The following CDC14B variants were observed in gnomAD, a reference collection of about 807,000 sequenced individuals.
CDC14B encodes the protein cell division cycle 14B.
In CDC14B, 22 loss-of-function variants were observed where a neutral mutation model predicts 64.2. The ratio of observed to expected loss-of-function variants is 0.34; its 90% CI spans 0.24 to 0.49. The LOEUF (loss-of-function observed/expected upper bound fraction) is 0.49, where lower values mean the gene tolerates loss of function less well. Among genes scored for constraint, CDC14B ranks in the 20% least tolerant of loss-of-function variants. The probability of loss-of-function intolerance (pLI) is 0.99; values close to 1 mark genes in which losing one functional copy is unlikely to be tolerated. For missense variants in CDC14B, 498 were observed against 629.9 expected (o/e 0.79, Z 2.24); for synonymous variants, 191 against 215.8 (o/e 0.89, Z 1.01).
intron 1 of CDC14B, among the ~76,000 whole-genome samples, chr9:96,600,271 AT>A (rs899508934): frequency 2.5e-4 from 38 of 151,096 alleles, no homozygotes; most frequent in South Asian, 6.2e-4. Flanking sequence ...ATGCAAATAC[AT>A]TTTTTAAAAA....
At chr9:96,521,758 A>G (rs1361973902) in intron 12 of CDC14B, among the ~76,000 whole-genome samples, 1 of 152,248 alleles carries the variant, frequency 6.6e-6, no homozygotes, top group African/African-American at 2.4e-5. Context: ...CGCAAAAAAG[A>G]AGGCTGGAAA....
At chr9:96,528,341 G>A (rs1264751429) in intron 9 of CDC14B, among the ~76,000 whole-genome samples, 2 of 152,036 alleles carry the variant, frequency 1.3e-5, no homozygotes, top group Non-Finnish European at 2.9e-5. Flanking sequence ...GGCCAACATG[G>A]TGAAACCCTG....
intron 1 of CDC14B, chr9:96,566,896 G>A: frequency 6.5e-7 from 1 of 1,550,234 alleles, no homozygotes; most frequent in Non-Finnish European, 8.7e-7. Flanking sequence ...CCACACCCCC[G>A]AAGTTTAAAA....
chr9:96,619,080 CCGGGG>C, intron 1 of CDC14B, 134 bp downstream of exon 1: 1 of 567,262 alleles, frequency 1.8e-6, no homozygotes, highest in Non-Finnish European at 2.5e-6. Context: ...GGTGTGGCGG[CCGGGG>C]CGTTTAAGGG....
chr9:96,606,421 G>A (rs1015287181), intron 1 of CDC14B, among the ~76,000 whole-genome samples: 1 of 150,640 alleles, frequency 6.6e-6, no homozygotes, highest in Non-Finnish European at 1.5e-5. Context: ...CAGTGCTCAT[G>A]CTTGTAATCC....
At chr9:96,599,392 AAGG>A (rs1247280115) in intron 1 of CDC14B, among the ~76,000 whole-genome samples, 2 of 152,210 alleles carry the variant, frequency 1.3e-5, no homozygotes, top group African/African-American at 2.4e-5. Context: ...AAAAAAAAAA[AAGG>A]AGAAGAAGTA....
intron 9 of CDC14B, among the ~76,000 whole-genome samples, chr9:96,523,963 T>TC (rs2131561796): frequency 6.6e-6 from 1 of 152,386 alleles, no homozygotes; most frequent in African/African-American, 2.4e-5. Context: ...AGACGGAGTC[T>TC]CACTCTGTTG....
At chr9:96,548,692 T>C (rs949603338) in intron 5 of CDC14B, among the ~76,000 whole-genome samples, 1 of 151,538 alleles carries the variant, frequency 6.6e-6, no homozygotes, top group African/African-American at 2.4e-5. Context: ...TGGCATCTGC[T>C]CTAGAGGCTG....
intron 7 of CDC14B, among the ~76,000 whole-genome samples, chr9:96,537,755 C>T (rs576820672): frequency 1.3e-5 from 2 of 152,210 alleles, no homozygotes; most frequent in African/African-American, 4.8e-5. Flanking sequence ...CAGAATCTTG[C>T]TCTGTCACCC....
At chr9:96,579,733 T>C (rs1317010915) in intron 1 of CDC14B, among the ~76,000 whole-genome samples, 3 of 152,190 alleles carry the variant, frequency 2.0e-5, no homozygotes, top group Non-Finnish European at 4.4e-5. Context: ...TCCTTGTTCT[T>C]GGCCTTCCTA....
intron 1 of CDC14B, among the ~76,000 whole-genome samples, chr9:96,597,536 T>C (rs1330237822): frequency 6.6e-6 from 1 of 150,390 alleles, no homozygotes; most frequent in Non-Finnish European, 1.5e-5. Flanking sequence ...GAAACATCTT[T>C]AAAGTATTCA....
Position 96,590,209 on chromosome 9 carries a change from T to G in CDC14B, c.161-24726A>C, listed in dbSNP as rs937808062. On this transcript the variant is annotated intron_variant, in intron 1 of 13. Coordinates refer to ENST00000375241, the MANE Select transcript of CDC14B (RefSeq NM_033331.4). ...TTCTGTCTCTAGGAGTCTGACTACT[T>G]TAGATACCCTATATACATGGAATCA... Among the ~76,000 whole-genome samples, 12 of 152,184 alleles carry G rather than the reference T, an allele frequency of 7.9e-5. 1 individual carries two copies. The highest frequency in any genetic ancestry group is 6.5e-4 in the Admixed American group (10 of 15,272).
chr9:96,551,923 A>G (rs1239674391), intron 4 of CDC14B, 51 bp from the exon 5 acceptor site: 1 of 1,568,382 alleles, frequency 6.4e-7, no homozygotes, highest in East Asian at 2.3e-5. Context: ...GTGAAGATAC[A>G]GTGCTGTCAC....
At chr9:96,572,820 C>G (rs751710452) in intron 1 of CDC14B, among the ~76,000 whole-genome samples, 2 of 152,178 alleles carry the variant, frequency 1.3e-5, no homozygotes, top group Non-Finnish European at 1.5e-5. Context: ...CAGCCAATAT[C>G]ACACTTTATG....
chr9:96,561,024 A>G (rs1281857052), intron 4 of CDC14B, among the ~76,000 whole-genome samples: 1 of 150,584 alleles, frequency 6.6e-6, no homozygotes, highest in African/African-American at 2.4e-5. Flanking sequence ...GCAATTTCCA[A>G]CTCCTGGATT....
In CDC14B at chr9:96,502,857, T is replaced by A. The variant is rs1058001; in HGVS notation, c.*896A>T. ...GAAGGACTCTAAAAAAGTGGTAACT[T>A]TTTTTTTTTGTAAGCCGACATTATT... On this transcript the variant is annotated 3_prime_UTR_variant, in exon 14 of 14. Coordinates refer to ENST00000375241, the MANE Select transcript of CDC14B (RefSeq NM_033331.4). The A allele has an allele frequency of 0.17, 67,535 of 394,016 alleles. 6,121 individuals carry two copies. The highest frequency in any genetic ancestry group is 0.23 in the African/African-American group (10,963 of 48,300). The allele number at this position is 394,016 out of a possible 1,614,324, so 24.4% of individuals were successfully genotyped here.
chr9:96,538,410 A>T (rs1839583654), intron 7 of CDC14B, among the ~76,000 whole-genome samples: 1 of 152,144 alleles, frequency 6.6e-6, no homozygotes, highest in Admixed American at 6.6e-5. Context: ...CTGTAAGTGA[A>T]ATGGGTGATT....
intron 12 of CDC14B, among the ~76,000 whole-genome samples, chr9:96,522,285 T>A (rs1304212987): frequency 1.3e-5 from 2 of 152,174 alleles, no homozygotes; most frequent in East Asian, 3.9e-4. Flanking sequence ...ATCCCTGATG[T>A]CGCCTTCCCA....
At chr9:96,610,762 C>T (rs1210377319) in intron 1 of CDC14B, among the ~76,000 whole-genome samples, 1 of 151,888 alleles carries the variant, frequency 6.6e-6, no homozygotes, top group Non-Finnish European at 1.5e-5. Flanking sequence ...CTGAATATTA[C>T]CAAAAAATAT....
Sources: gnomAD v4.1 joint callset for allele counts (sites outside exome capture counted in the v4.1 genomes callset) on GRCh38, gnomAD v4.1.1 for gene constraint, MANE v1.5 for transcripts, NCBI Gene and HGNC (gene_info 2026-07-23, HGNC 2026-07-21) for gene names.